Variants in NEK7 observed in about 807,000 individuals in gnomAD.
The protein encoded by NEK7 is NIMA related kinase 7, also known as serine/threonine-protein kinase Nek7.
NEK7 carries 18 observed loss-of-function variants against 44.6 expected under a neutral mutation model. The ratio of observed to expected loss-of-function variants is 0.40; its 90% confidence interval spans 0.28 to 0.60. The LOEUF (loss-of-function observed/expected upper bound fraction) is 0.60. Among genes scored for constraint, NEK7 ranks in the 20% least tolerant of loss-of-function variants. NEK7 has a pLI of 0.38. For missense variants in NEK7, 256 were observed against 366.5 expected, an observed-to-expected ratio of 0.70 and a Z score of 2.46; for synonymous variants, 130 against 121.1, an observed-to-expected ratio of 1.07 and a Z score of -0.48.
At chr1:198,185,312 TA>T (rs756124370) in intron 1 of NEK7, among the ~76,000 whole-genome samples, 232 of 151,440 alleles carry the variant, frequency 1.5e-3, no homozygotes, top group Non-Finnish European at 2.0e-3. Context: ...TTCTGGCAGA[TA>T]TTTGCGTTTT....
chr1:198,184,840 AATTTATTT>A (rs543627297), intron 1 of NEK7, among the ~76,000 whole-genome samples: 13 of 151,850 alleles, frequency 8.6e-5, no homozygotes, highest in Admixed American at 3.3e-4. Context: ...GGCTAATTGA[AATTTATTT>A]ATTTATTTAT....
At chr1:198,254,440 A>G (rs1269641516) in intron 3 of NEK7, among the ~76,000 whole-genome samples, 1 of 152,062 alleles carries the variant, frequency 6.6e-6, no homozygotes, top group Non-Finnish European at 1.5e-5. Flanking sequence ...CATGTTTTAT[A>G]TATGTATTAC....
intron 3 of NEK7, among the ~76,000 whole-genome samples, chr1:198,260,826 A>G (rs537096516): frequency 1.9e-4 from 29 of 152,082 alleles, no homozygotes; most frequent in Non-Finnish European, 4.0e-4. Flanking sequence ...ATATACTGCT[A>G]TTTTCACTAT....
chr1:198,306,410 C>T (rs1206051207), intron 9 of NEK7, among the ~76,000 whole-genome samples: 1 of 151,898 alleles, frequency 6.6e-6, no homozygotes, highest in Non-Finnish European at 1.5e-5. Context: ...AAAAAGTGAC[C>T]CCTTAGTAAC....
intron 5 of NEK7, among the ~76,000 whole-genome samples, chr1:198,276,537 G>T (rs1654023649): frequency 6.6e-6 from 1 of 151,606 alleles, no homozygotes; most frequent in African/African-American, 2.4e-5. Flanking sequence ...GACACAGTCT[G>T]CAATTAAAAA....
chr1:198,272,779 A>G (rs1653895529), intron 5 of NEK7, among the ~76,000 whole-genome samples: 1 of 151,830 alleles, frequency 6.6e-6, no homozygotes, highest in Non-Finnish European at 1.5e-5. Context: ...AGTAATTCTG[A>G]TGCATTCATG....
In NEK7 at chr1:198,277,251, G is replaced by A. The variant is rs904892021; in HGVS notation, c.373-710G>A. Among the ~76,000 whole-genome samples, 4 of 151,632 alleles carry A rather than the reference G, an allele frequency of 2.6e-5. 1 individual carries two copies. Among genetic ancestry groups the A allele is most frequent in the African/African-American group, 9.7e-5 (4 of 41,348 alleles). On this transcript the variant is annotated intron_variant, in intron 5 of 9. Coordinates refer to ENST00000367385, the MANE Select transcript of NEK7 (RefSeq NM_133494.3). ...AGTATAGTCTTCTAGCAGATTTATT[G>A]TAGAAAAAATGAGCATAAATAAGTA... is the stretch of plus-strand genomic sequence containing the variant.
At chr1:198,240,765 G>T (rs149312549) in intron 2 of NEK7, among the ~76,000 whole-genome samples, 1 of 152,070 alleles carries the variant, frequency 6.6e-6, no homozygotes, top group Non-Finnish European at 1.5e-5. Context: ...GCACGATCTC[G>T]GCTCACTGCA....
chr1:198,313,594 T>A (rs1265551772), intron 9 of NEK7, among the ~76,000 whole-genome samples: 1 of 138,162 alleles, frequency 7.2e-6, no homozygotes. Flanking sequence ...TTCCTTTCCA[T>A]GTTTAGTGCT....
At chr1:198,169,959 C>G (rs1191137330) in intron 1 of NEK7, among the ~76,000 whole-genome samples, 1 of 152,168 alleles carries the variant, frequency 6.6e-6, no homozygotes, top group South Asian at 2.1e-4. Context: ...CCAGAGACTA[C>G]ACTTGACAGG....
rs539622516 is a variant in NEK7 at position 198,227,194 on chromosome 1, G to A, written c.-28-5359G>A. 3.9e-5 allele frequency among the ~76,000 whole-genome samples: 6 copies of A among 152,308 alleles called. No homozygotes were observed. In the East Asian group the frequency reaches 1.2e-3, roughly 29 times the overall value. On this transcript the variant is annotated intron_variant, in intron 1 of 9. Transcript: ENST00000367385. ...TCATCCGTGTCCCTACAAAGGACAT[G>A]AACTCATCCTTTTTTACGGCTGCAT...
At chr1:198,207,820 A>G (rs1206587153) in intron 1 of NEK7, among the ~76,000 whole-genome samples, 1 of 152,226 alleles carries the variant, frequency 6.6e-6, no homozygotes, top group African/African-American at 2.4e-5. Context: ...TTAATTGTAT[A>G]TAAGTTATAC....
At chr1:198,272,253 A>T (rs945940036) in intron 5 of NEK7, among the ~76,000 whole-genome samples, 2 of 151,832 alleles carry the variant, frequency 1.3e-5, no homozygotes, top group Admixed American at 6.6e-5. Flanking sequence ...GCTTGGAAAA[A>T]ATTGAAGATA....
At chr1:198,226,135 T>C (rs1442012159) in intron 1 of NEK7, among the ~76,000 whole-genome samples, 1 of 152,056 alleles carries the variant, frequency 6.6e-6, no homozygotes, top group Non-Finnish European at 1.5e-5. Flanking sequence ...TATATTTTTG[T>C]TTCATTTTAT....
chr1:198,182,891 T>C (rs529736552), intron 1 of NEK7, among the ~76,000 whole-genome samples: 2 of 152,282 alleles, frequency 1.3e-5, no homozygotes, highest in South Asian at 4.1e-4. Context: ...ATTAACAATA[T>C]AAGAAAGGCC....
At chr1:198,311,839 C>G (rs1332933555) in intron 9 of NEK7, among the ~76,000 whole-genome samples, 1 of 152,058 alleles carries the variant, frequency 6.6e-6, no homozygotes, top group Non-Finnish European at 1.5e-5. Context: ...ATTCGGTTTG[C>G]CAGTATTTTA....
At chr1:198,207,906 G>A (rs1374362361) in intron 1 of NEK7, among the ~76,000 whole-genome samples, 1 of 152,102 alleles carries the variant, frequency 6.6e-6, no homozygotes, top group Non-Finnish European at 1.5e-5. Context: ...TAAAGATAAT[G>A]TTAATATAGT....
In NEK7 at chr1:198,286,910, A is replaced by G. The variant is rs12121143; in HGVS notation, c.590-6035A>G. 9.8e-3 allele frequency among the ~76,000 whole-genome samples: 1,491 copies of G among 152,142 alleles called. 13 individuals carry two copies. Among genetic ancestry groups the G allele is most frequent in the Non-Finnish European group, 0.015 (1,020 of 68,000 alleles). On this transcript the variant is annotated intron_variant, in intron 7 of 9. Transcript: ENST00000367385. Reference sequence around the variant, plus strand: ...AGCAGTGGTGGAGAGTCCCTCTCACACTTTGAATCTCCCCTGCCCCTTCTG... The same window carrying G: ...AGCAGTGGTGGAGAGTCCCTCTCACGCTTTGAATCTCCCCTGCCCCTTCTG...
chr1:198,252,528 C>CTATAGATATATA (rs1553253584), intron 2 of NEK7, among the ~76,000 whole-genome samples: 10 of 32,692 alleles, frequency 3.1e-4, no homozygotes, highest in Non-Finnish European at 4.1e-4. Context: ...ATCTCACATA[C>CTATAGATATATA]TATATATATA....
Sources: allele counts gnomAD v4.1 joint callset (sites outside exome capture counted in the v4.1 genomes callset), GRCh38; gene constraint gnomAD v4.1.1; transcripts MANE v1.5; gene names NCBI Gene and HGNC (gene_info 2026-07-23, HGNC 2026-07-21).